JMJD1C: variants seen among roughly 807,000 people sequenced by gnomAD.
JMJD1C encodes jumonji domain containing 1C, also known as jumonji domain-containing protein 1C.
In JMJD1C, 31 loss-of-function variants were observed where a neutral mutation model predicts 245.3. That is an observed-to-expected ratio of 0.13 (90% CI 0.09 to 0.17). The LOEUF (loss-of-function observed/expected upper bound fraction) is 0.17, where lower values mean the gene tolerates loss of function less well. Among genes scored for constraint, JMJD1C ranks in the 10% least tolerant of loss-of-function variants. The pLI is 1.00. For missense variants in JMJD1C, 2,691 were observed against 3,000.2 expected, an observed-to-expected ratio of 0.90 and a Z score of 2.41; for synonymous variants, 1,057 against 1,017.4, an observed-to-expected ratio of 1.04 and a Z score of -0.74.
At chr10:63,340,202 C>G (rs1365474364) in intron 2 of JMJD1C, among the ~76,000 whole-genome samples, 1 of 152,202 alleles carries the variant, frequency 6.6e-6, no homozygotes, top group East Asian at 1.9e-4. Context: ...AAAATGCAGG[C>G]ATACAAACAC....
intron 3 of JMJD1C, among the ~76,000 whole-genome samples, chr10:63,240,094 AT>A (rs1442485486): frequency 6.6e-6 from 1 of 152,204 alleles, no homozygotes; most frequent in Non-Finnish European, 1.5e-5. Flanking sequence ...GAAATTTTGT[AT>A]GAATACTGCC....
At chr10:63,433,791 G>C (rs906932622) in intron 1 of JMJD1C, among the ~76,000 whole-genome samples, 3 of 150,666 alleles carry the variant, frequency 2.0e-5, no homozygotes, top group African/African-American at 7.3e-5. Context: ...ATGTTACCCA[G>C]GCTGATCTTG....
intron 1 of JMJD1C, among the ~76,000 whole-genome samples, chr10:63,390,681 CATCAAG>C (rs1186515679): frequency 2.0e-5 from 3 of 152,132 alleles, no homozygotes; most frequent in African/African-American, 2.4e-5. Flanking sequence ...ACATCAAAAA[CATCAAG>C]ATCAAGTGAA....
At chr10:63,175,820 A>C (rs946210976) in intron 24 of JMJD1C, among the ~76,000 whole-genome samples, 2 of 152,166 alleles carry the variant, frequency 1.3e-5, no homozygotes, top group Admixed American at 6.5e-5. Context: ...TGGAAAAATT[A>C]GGTATTTTAA....
chr10:63,296,001 G>GTA lies in JMJD1C; in HGVS notation c.334-31238_334-31237insTA, dbSNP rs1234613103. ...TGTGTGTGTGTGTGTGTGTGTGTGT[G>GTA]TGTATATATATATTTTTTTTTTTTT... On this transcript the variant is annotated intron_variant, in intron 2 of 25. Coordinates refer to ENST00000399262, the MANE Select transcript of JMJD1C (RefSeq NM_032776.3). Among the ~76,000 whole-genome samples the GTA allele has an allele frequency of 3.8e-3, 368 of 97,598 alleles. 6 individuals carry two copies. Among genetic ancestry groups the GTA allele is most frequent in the Middle Eastern group, 0.012 (2 of 168 alleles). 64.0% of individuals were successfully genotyped at this position (97,598 alleles called of 152,430 possible).
chr10:63,358,222 G>T (rs766722431), intron 2 of JMJD1C, among the ~76,000 whole-genome samples: 1 of 152,068 alleles, frequency 6.6e-6, no homozygotes, highest in Non-Finnish European at 1.5e-5. Flanking sequence ...TTTTTTCACA[G>T]ATTATAACCA....
chr10:63,317,573 ATTCT>A (rs1363432569), intron 2 of JMJD1C, among the ~76,000 whole-genome samples: 4 of 152,054 alleles, frequency 2.6e-5, no homozygotes, highest in African/African-American at 4.8e-5. Flanking sequence ...ATTGTTTGCA[ATTCT>A]TTAAGATTCT....
At chr10:63,285,222 AAC>A (rs1857853591) in intron 2 of JMJD1C, among the ~76,000 whole-genome samples, 2 of 152,194 alleles carry the variant, frequency 1.3e-5, no homozygotes, top group South Asian at 4.1e-4. Context: ...TTAATGACTT[AAC>A]AACACCTGGA....
Position 63,392,867 on chromosome 10 carries a change from AACACACACACACAC to A in JMJD1C, c.169-12399_169-12386del, listed in dbSNP as rs34778084. Among the ~76,000 whole-genome samples the A allele has an allele frequency of 1.7e-3, 187 of 112,282 alleles. 1 individual carries two copies. Among genetic ancestry groups the A allele is most frequent in the African/African-American group, 4.6e-3 (135 of 29,072 alleles). The allele number at this position is 112,282 out of a possible 152,430, so 73.7% of individuals were successfully genotyped here. On this transcript the variant is annotated intron_variant, in intron 1 of 25. Coordinates refer to ENST00000399262, the MANE Select transcript of JMJD1C (RefSeq NM_032776.3). Reference sequence around the variant, plus strand: ...AAAAAGGTGGGCAAAAAAGTACATAAACACACACACACACACACACACACACACACACACACACA... The same window carrying A: ...AAAAAGGTGGGCAAAAAAGTACATAAACACACACACACACACACACACACA...
At chr10:63,392,187 C>T (rs999188756) in intron 1 of JMJD1C, among the ~76,000 whole-genome samples, 1 of 152,094 alleles carries the variant, frequency 6.6e-6, no homozygotes. Flanking sequence ...TGAAACTGGA[C>T]CCCTATCTCT....
In JMJD1C at chr10:63,208,253, A is replaced by C. The variant is rs748452239; in HGVS notation, c.3416T>G (p.Phe1139Cys). Residue 1139 changes from phenylalanine to cysteine, a missense_variant, in exon 10 of 26, where the codon TTT (phenylalanine) becomes TGT (cysteine). Around this residue, in one of 9 missense-constraint regions of JMJD1C, gnomAD observed 1,562 missense variants for 1,490.7 expected, o/e 1.05. Coordinates refer to ENST00000399262, the MANE Select transcript of JMJD1C (RefSeq NM_032776.3). ...AAANPQTLTS[F>C]ITSLSKPPPL... ...TGGAGGCTTTGAAAGAGATGTTATA[A>C]ATGAAGTCAGAGTTTGAGGATTAGC... The C allele has an allele frequency of 1.2e-6, 2 of 1,614,014 alleles. No individual in the cohort carries two copies. Among genetic ancestry groups the C allele is most frequent in the Non-Finnish European group, 1.7e-6 (2 of 1,179,966 alleles).
intron 2 of JMJD1C, among the ~76,000 whole-genome samples, chr10:63,361,093 T>C (rs1945285430): frequency 6.6e-6 from 1 of 152,258 alleles, no homozygotes. Flanking sequence ...AATTTTCTAA[T>C]TTTAAACTTA....
intron 1 of JMJD1C, among the ~76,000 whole-genome samples, chr10:63,418,902 CTCTG>C (rs1289822498): frequency 6.6e-6 from 1 of 151,814 alleles, no homozygotes; most frequent in Non-Finnish European, 1.5e-5. Context: ...TATAGTGAAA[CTCTG>C]TCTGTACCAA....
At chr10:63,378,273 T>C (rs555253923) in intron 2 of JMJD1C, among the ~76,000 whole-genome samples, 1 of 152,078 alleles carries the variant, frequency 6.6e-6, no homozygotes, top group Non-Finnish European at 1.5e-5. Context: ...CAGAAATTCA[T>C]CTCAATCTTA....
intron 16 of JMJD1C, among the ~76,000 whole-genome samples, chr10:63,192,245 T>C (rs2132995288): frequency 8.3e-6 from 1 of 120,962 alleles, no homozygotes; most frequent in Non-Finnish European, 1.7e-5. Flanking sequence ...CGAAACTTCA[T>C]GTCTACAAAA....
intron 3 of JMJD1C, among the ~76,000 whole-genome samples, chr10:63,240,706 A>G (rs1851375319): frequency 6.6e-6 from 1 of 152,222 alleles, no homozygotes; most frequent in Admixed American, 6.5e-5. Flanking sequence ...TATAATGAAA[A>G]GAAAAGCAAT....
chr10:63,177,308 T>C (rs1271025845), intron 23 of JMJD1C: 1 of 226,374 alleles, frequency 4.4e-6, no homozygotes, highest in African/African-American at 2.4e-5. Context: ...AGTAGAATCA[T>C]TCCCTAGGTC....
chr10:63,221,808 AC>A (rs1848631243), intron 3 of JMJD1C, among the ~76,000 whole-genome samples: 1 of 151,886 alleles, frequency 6.6e-6, no homozygotes, highest in South Asian at 2.1e-4. Context: ...TGCAACCTCC[AC>A]CTCCCAGGTT....
chr10:63,505,615 A>C (rs1353734271), intron 1 of JMJD1C, among the ~76,000 whole-genome samples: 1 of 152,036 alleles, frequency 6.6e-6, no homozygotes, highest in Admixed American at 6.6e-5. Context: ...TAAAAAAATT[A>C]CTGGGTCCTA....
Sources: gnomAD v4.1 joint callset for allele counts (sites outside exome capture counted in the v4.1 genomes callset) on GRCh38, gnomAD v4.1.1 for gene constraint, gnomAD v4.1.1 regional missense constraint, MANE v1.5 for transcripts, NCBI Gene and HGNC (gene_info 2026-07-23, HGNC 2026-07-21) for gene names.